The following PEX5L variants were observed in gnomAD, a reference collection of about 807,000 sequenced individuals.
PEX5L encodes the protein PEX5-related protein.
PEX5L carries 30 observed loss-of-function variants against 84.0 expected under a neutral mutation model. The observed-to-expected ratio is 0.36, with a 90% confidence interval of 0.27 to 0.48. PEX5L has a LOEUF of 0.48. PEX5L is among the 20% of genes least tolerant of loss of function. PEX5L has a pLI of 0.99. For missense variants in PEX5L, 533 were observed against 754.6 expected, an observed-to-expected ratio of 0.71 and a Z score of 3.44; for synonymous variants, 270 against 283.1, an observed-to-expected ratio of 0.95 and a Z score of 0.46.
At chr3:179,983,466 T>G (rs1469805787) in intron 1 of PEX5L, among the ~76,000 whole-genome samples, 1 of 152,016 alleles carries the variant, frequency 6.6e-6, no homozygotes, top group Non-Finnish European at 1.5e-5. Flanking sequence ...AGAACTATTT[T>G]CTTAATAGTA....
At chr3:179,822,865 A>G (rs774276418) in intron 8 of PEX5L, among the ~76,000 whole-genome samples, 7 of 152,228 alleles carry the variant, frequency 4.6e-5, no homozygotes, top group Middle Eastern at 3.2e-3. Flanking sequence ...GATATGCAGC[A>G]TGGTGGTTAA....
In PEX5L at chr3:179,924,271, C is replaced by T. The variant is rs116020475; in HGVS notation, c.94-26025G>A. On this transcript the variant is annotated intron_variant, in intron 2 of 14. Transcript: ENST00000467460. ...GAACCTTTCCTAAGACACTGATCAT[C>T]TCTGCCACGTACTGTAGTTATTTAT... 9.9e-3 allele frequency among the ~76,000 whole-genome samples: 1,512 copies of T among 152,262 alleles called. 22 individuals carry two copies. Among genetic ancestry groups the T allele is most frequent in the African/African-American group, 0.035 (1,444 of 41,532 alleles).
At chr3:180,015,905 TAATA>T (rs1388825044) in intron 1 of PEX5L, among the ~76,000 whole-genome samples, 4 of 131,692 alleles carry the variant, frequency 3.0e-5, no homozygotes, top group East Asian at 2.0e-4. Flanking sequence ...ATATAATGTA[TAATA>T]AATAAACAAA....
chr3:179,853,811 A>C (rs374678969), intron 8 of PEX5L, among the ~76,000 whole-genome samples: 34 of 141,162 alleles, frequency 2.4e-4, no homozygotes, highest in East Asian at 1.3e-3. Context: ...TCTTCTTCTT[A>C]TTCTTCTTCT....
Position 179,907,557 on chromosome 3 carries a change from T to C in PEX5L, c.94-9311A>G, listed in dbSNP as rs80078121. Among the ~76,000 whole-genome samples the C allele has an allele frequency of 4.5e-3, 691 of 152,270 alleles. 3 individuals are homozygous for C. The highest frequency in any genetic ancestry group is 0.016 in the African/African-American group (661 of 41,536). On this transcript the variant is annotated intron_variant, in intron 2 of 14. Transcript: ENST00000467460. ...TCAAACTCCTGGCCTCAAGTGATCC[T>C]CCTGTCTTGGCCTCTCATTGTGCTG... is the stretch of plus-strand genomic sequence containing the variant.
chr3:180,029,396 T>C (rs1357278227), intron 1 of PEX5L, among the ~76,000 whole-genome samples: 1 of 152,122 alleles, frequency 6.6e-6, no homozygotes, highest in Admixed American at 6.6e-5. Flanking sequence ...AAATTAGAAA[T>C]AAATAAAACT....
At chr3:179,818,022 T>A (rs999373993) in intron 9 of PEX5L, among the ~76,000 whole-genome samples, 1 of 152,190 alleles carries the variant, frequency 6.6e-6, no homozygotes, top group African/African-American at 2.4e-5. Context: ...GCCTGGCCCA[T>A]TGAGGGACAG....
intron 2 of PEX5L, among the ~76,000 whole-genome samples, chr3:179,933,110 A>G (rs1287062936): frequency 6.6e-6 from 1 of 152,140 alleles, no homozygotes; most frequent in African/African-American, 2.4e-5. Flanking sequence ...AGCACATGGT[A>G]TTTGCCTTTC....
intron 2 of PEX5L, among the ~76,000 whole-genome samples, chr3:179,958,312 C>T (rs1285619388): frequency 6.6e-6 from 1 of 152,132 alleles, no homozygotes; most frequent in Non-Finnish European, 1.5e-5. Flanking sequence ...CCAGCACTGC[C>T]ATGTACTGCC....
intron 8 of PEX5L, among the ~76,000 whole-genome samples, chr3:179,830,294 C>CCT (rs1553845042): frequency 9.8e-5 from 14 of 142,940 alleles, no homozygotes; most frequent in African/African-American, 2.8e-4. Flanking sequence ...CGCCCCCCCC[C>CCT]TTTTTTTTAT....
intron 14 of PEX5L, 130 bp downstream of exon 14, chr3:179,807,544 A>G: frequency 1.2e-6 from 1 of 815,282 alleles, no homozygotes; most frequent in Non-Finnish European, 1.9e-6. Flanking sequence ...AAGGCTCCAC[A>G]TTCACCCTTA....
chr3:179,910,793 A>G (rs1475850837), intron 2 of PEX5L, among the ~76,000 whole-genome samples: 1 of 152,222 alleles, frequency 6.6e-6, no homozygotes, highest in Non-Finnish European at 1.5e-5. Flanking sequence ...ATCACCATAA[A>G]TGTATAATTC....
intron 1 of PEX5L, among the ~76,000 whole-genome samples, chr3:179,975,859 A>G (rs757915832): frequency 2.0e-5 from 3 of 152,164 alleles, no homozygotes; most frequent in Non-Finnish European, 2.9e-5. Context: ...TTGAGTGTCA[A>G]TGAGGAGAAG....
intron 2 of PEX5L, among the ~76,000 whole-genome samples, chr3:179,899,069 A>C (rs1303867184): frequency 2.6e-5 from 4 of 152,054 alleles, no homozygotes; most frequent in African/African-American, 9.7e-5. Context: ...AAACACATAC[A>C]TATCCCTATG....
chr3:179,961,787 A>G (rs1271648245), intron 2 of PEX5L, among the ~76,000 whole-genome samples: 4 of 152,218 alleles, frequency 2.6e-5, no homozygotes, highest in Non-Finnish European at 2.9e-5. Flanking sequence ...CGCTGATTCA[A>G]TCAGTAATCA....
At chr3:180,002,254 G>A (rs945925452) in intron 1 of PEX5L, among the ~76,000 whole-genome samples, 6 of 152,066 alleles carry the variant, frequency 3.9e-5, no homozygotes, top group African/African-American at 7.2e-5. Flanking sequence ...TAGATTCCTA[G>A]GGATGAGATT....
intron 5 of PEX5L, among the ~76,000 whole-genome samples, chr3:179,877,770 T>C (rs1752898199): frequency 6.6e-6 from 1 of 152,232 alleles, no homozygotes; most frequent in Non-Finnish European, 1.5e-5. Flanking sequence ...TGTATTAATA[T>C]ATTTTAATCT....
At chr3:179,944,957 C>A (rs1560840321) in intron 2 of PEX5L, among the ~76,000 whole-genome samples, 2 of 152,130 alleles carry the variant, frequency 1.3e-5, no homozygotes, top group Non-Finnish European at 2.9e-5. Context: ...GGCAAGGTTG[C>A]CTGTCAATAT....
chr3:180,009,736 C>T (rs1242611188), intron 1 of PEX5L, among the ~76,000 whole-genome samples: 1 of 151,862 alleles, frequency 6.6e-6, no homozygotes, highest in Non-Finnish European at 1.5e-5. Flanking sequence ...TTCTTTTCAA[C>T]ACTTGTCATT....
Sources: allele counts gnomAD v4.1 joint callset (sites outside exome capture counted in the v4.1 genomes callset), GRCh38; gene constraint gnomAD v4.1.1; transcripts MANE v1.5; gene names NCBI Gene and HGNC (gene_info 2026-07-23, HGNC 2026-07-21).